The following NEGR1 variants were observed in gnomAD, a reference collection of about 807,000 sequenced individuals.
NEGR1 encodes IgLON family member 4.
In NEGR1, 10 loss-of-function variants were observed where a neutral mutation model predicts 40.9. The observed-to-expected ratio is 0.24, with a 90% CI of 0.15 to 0.42. The LOEUF (loss-of-function observed/expected upper bound fraction) is 0.42. Ranked by LOEUF, NEGR1 falls within the 10% of genes least tolerant of loss-of-function variation. NEGR1 has a pLI of 1.00. For synonymous variants in NEGR1, 185 were observed against 166.8 expected (o/e 1.11, Z -0.84); for missense variants, 352 against 438.9 (o/e 0.80, Z 1.77).
At chr1:71,915,368 A>G (rs1266348822) in intron 2 of NEGR1, among the ~76,000 whole-genome samples, 1 of 152,194 alleles carries the variant, frequency 6.6e-6, no homozygotes, top group African/African-American at 2.4e-5. Flanking sequence ...AAGTTGTTTG[A>G]CACATCTATT....
At chr1:72,183,861 C>T (rs1026541207) in intron 1 of NEGR1, among the ~76,000 whole-genome samples, 1 of 151,940 alleles carries the variant, frequency 6.6e-6, no homozygotes, top group Non-Finnish European at 1.5e-5. Context: ...TGAGATTGGC[C>T]TTCAAGTATG....
chr1:72,230,705 T>A (rs1654334200), intron 1 of NEGR1, among the ~76,000 whole-genome samples: 1 of 152,184 alleles, frequency 6.6e-6, no homozygotes, highest in Non-Finnish European at 1.5e-5. Flanking sequence ...TTTGTCAAAG[T>A]TAATTTGAAT....
At chr1:71,525,792 T>G (rs1647209799) in intron 6 of NEGR1, among the ~76,000 whole-genome samples, 1 of 151,688 alleles carries the variant, frequency 6.6e-6, no homozygotes, top group Admixed American at 6.6e-5. Context: ...TAAGTCTGTT[T>G]TATGTATATA....
chr1:71,636,084 C>T (rs7548016), intron 4 of NEGR1, among the ~76,000 whole-genome samples: 4,172 of 152,022 alleles, frequency 0.027, 198 homozygotes, highest in African/African-American at 0.097. Context: ...AATGTTTCAT[C>T]GTTTTAAAAT....
intron 6 of NEGR1, among the ~76,000 whole-genome samples, chr1:71,457,896 G>A (rs1055925893): frequency 2.6e-5 from 4 of 151,918 alleles, no homozygotes; most frequent in African/African-American, 9.7e-5. Context: ...TAGAGACGGG[G>A]TTTCACTGTG....
At chr1:71,823,140 G>C (rs1658494914) in intron 2 of NEGR1, among the ~76,000 whole-genome samples, 1 of 151,604 alleles carries the variant, frequency 6.6e-6, no homozygotes, top group African/African-American at 2.4e-5. Flanking sequence ...TCGGAATCAG[G>C]CTCAAATATC....
At chr1:71,521,127 G>A (rs72938055) in intron 6 of NEGR1, among the ~76,000 whole-genome samples, 5,876 of 151,886 alleles carry the variant, frequency 0.039, 367 homozygotes, top group African/African-American at 0.13. Flanking sequence ...CTCTTACTTG[G>A]GGTCAGAGAT....
rs757516021 is a variant in NEGR1, at chr1:71,398,698, G to C, written c.*8748C>G. On this transcript the variant is annotated 3_prime_UTR_variant, in exon 7 of 7. Transcript: ENST00000357731. The stretch of plus-strand genomic sequence containing the variant: ...GAGGGACTGTTGGGAAAGCATGATT[G>C]GTTTTGAAATGTGAGGACATGAGAT... 1.3e-5 allele frequency: 2 copies of C among 152,168 alleles called. No individual in the cohort carries two copies. Among genetic ancestry groups the C allele is most frequent in the Non-Finnish European group, 2.9e-5 (2 of 68,040 alleles). 9.4% of individuals were successfully genotyped at this position (152,168 alleles called of 1,614,324 possible). A position where few individuals can be genotyped will look rare whatever the true frequency, so the allele number is the denominator to read the frequency against.
intron 1 of NEGR1, among the ~76,000 whole-genome samples, chr1:72,122,403 T>C (rs1232840614): frequency 6.6e-6 from 1 of 151,920 alleles, no homozygotes; most frequent in Non-Finnish European, 1.5e-5. Context: ...CGATTTCATA[T>C]TTGGCAAAAA....
At chr1:71,950,624 T>G (rs1646061479) in intron 1 of NEGR1, among the ~76,000 whole-genome samples, 1 of 151,994 alleles carries the variant, frequency 6.6e-6, no homozygotes, top group African/African-American at 2.4e-5. Flanking sequence ...TCCACTTTTC[T>G]TATCTTTCAC....
chr1:71,911,813 A>C (rs937447298), intron 2 of NEGR1, among the ~76,000 whole-genome samples: 12 of 152,202 alleles, frequency 7.9e-5, no homozygotes, highest in African/African-American at 2.9e-4. Flanking sequence ...TAAGCTTTGT[A>C]ATTAGTCTTT....
At chr1:72,053,246 G>A (rs1647078091) in intron 1 of NEGR1, among the ~76,000 whole-genome samples, 1 of 150,974 alleles carries the variant, frequency 6.6e-6, no homozygotes, top group East Asian at 1.9e-4. Context: ...TGTTTGTAGG[G>A]CTCCCAGCAA....
At chr1:71,498,177 G>T (rs970086857) in intron 6 of NEGR1, among the ~76,000 whole-genome samples, 1 of 150,234 alleles carries the variant, frequency 6.7e-6, no homozygotes, top group Non-Finnish European at 1.5e-5. Flanking sequence ...TCTTGGAATG[G>T]TTTAGCAATT....
At chr1:72,047,932 CAGAA>C (rs1647017727) in intron 1 of NEGR1, among the ~76,000 whole-genome samples, 3 of 151,528 alleles carry the variant, frequency 2.0e-5, no homozygotes, top group Non-Finnish European at 4.4e-5. Context: ...TTCACTTGCA[CAGAA>C]AGAAAGTAAA....
intron 1 of NEGR1, chr1:72,274,695 A>G: frequency 1.0e-6 from 1 of 990,624 alleles, no homozygotes; most frequent in Non-Finnish European, 1.6e-6. Context: ...AACCCATTGA[A>G]GAAATCATTG....
chr1:71,400,206 T>A lies in NEGR1; in HGVS notation c.*7240A>T, dbSNP rs954082761. On this transcript the variant is annotated 3_prime_UTR_variant, in exon 7 of 7. Coordinates refer to ENST00000357731, the MANE Select transcript of NEGR1 (RefSeq NM_173808.3). Reference sequence around the variant, plus strand: ...TTAACATTTTAAAGTTTTGAAGGTGTAATGAACCATGCTACCTCCTGTAGT... The same window carrying A: ...TTAACATTTTAAAGTTTTGAAGGTGAAATGAACCATGCTACCTCCTGTAGT... 10 of 152,198 alleles carry A rather than the reference T, an allele frequency of 6.6e-5. No homozygotes were observed. The highest frequency in any genetic ancestry group is 2.4e-4 in the African/African-American group (10 of 41,464). 9.4% of individuals were successfully genotyped at this position (152,198 alleles called of 1,614,324 possible). A position where few individuals can be genotyped will look rare whatever the true frequency, so the allele number is the denominator to read the frequency against.
intron 6 of NEGR1, among the ~76,000 whole-genome samples, chr1:71,504,071 C>T (rs1647015980): frequency 6.7e-6 from 1 of 148,456 alleles, no homozygotes; most frequent in Non-Finnish European, 1.5e-5. Context: ...AGAGGAAACA[C>T]CCTCTGCATT....
At chr1:71,537,334 T>C (rs1305127295) in intron 6 of NEGR1, among the ~76,000 whole-genome samples, 2 of 151,678 alleles carry the variant, frequency 1.3e-5, no homozygotes, top group Non-Finnish European at 3.0e-5. Context: ...AGAAGAAATA[T>C]CCTATTAACA....
intron 1 of NEGR1, among the ~76,000 whole-genome samples, chr1:72,234,093 C>A (rs1654469855): frequency 6.6e-6 from 1 of 152,054 alleles, no homozygotes; most frequent in South Asian, 2.1e-4. Flanking sequence ...GGTATTAAGC[C>A]TAGTACCCAT....
Sources: allele counts gnomAD v4.1 joint callset (sites outside exome capture counted in the v4.1 genomes callset), GRCh38; gene constraint gnomAD v4.1.1; transcripts MANE v1.5; gene names NCBI Gene and HGNC (gene_info 2026-07-23, HGNC 2026-07-21).